The following IL17RD variants were observed in gnomAD, a reference collection of about 807,000 sequenced individuals.
The protein encoded by IL17RD is interleukin-17 receptor D.
Under a neutral mutation model 80.5 loss-of-function variants are expected in IL17RD, and 52 were observed. The observed-to-expected ratio is 0.65, with a 90% confidence interval of 0.52 to 0.81. The LOEUF is 0.81. IL17RD is among the 40% of genes least tolerant of loss of function. IL17RD has a pLI of 0.00. For synonymous variants in IL17RD, 416 were observed against 391.8 expected (o/e 1.06, Z -0.73); for missense variants, 1,024 against 955.1 (o/e 1.07, Z -0.95).
intron 7 of IL17RD, among the ~76,000 whole-genome samples, chr3:57,105,552 A>AAAAAATATATATATATATAT: frequency 7.9e-5 from 5 of 63,586 alleles, no homozygotes; most frequent in South Asian, 6.2e-4. Context: ...AAAAAAAAAA[A>AAAAAATATATATATATATAT]ATATATATAT....
chr3:57,111,180 T>C (rs547036659), intron 3 of IL17RD, among the ~76,000 whole-genome samples: 1 of 152,240 alleles, frequency 6.6e-6, no homozygotes, highest in Non-Finnish European at 1.5e-5. Context: ...TTTTCAACCC[T>C]TCCCCTCCCA....
chr3:57,093,962 C>T lies in IL17RD; in HGVS notation c.*2431G>A, dbSNP rs1372413722. On this transcript the variant is annotated 3_prime_UTR_variant, in exon 13 of 13. Coordinates refer to ENST00000296318, the MANE Select transcript of IL17RD (RefSeq NM_017563.5). Reference sequence around the variant, plus strand: ...TATCCCTGGTCTCTTTTCTAGAGGACGTTGTCTAACCTATCTACACAAGCC... The same window carrying T: ...TATCCCTGGTCTCTTTTCTAGAGGATGTTGTCTAACCTATCTACACAAGCC... 3.3e-5 allele frequency: 5 copies of T among 151,972 alleles called. No homozygotes were observed. The East Asian group carries it at 9.7e-4, about 29-fold the overall frequency. 9.4% of individuals were successfully genotyped at this position (151,972 alleles called of 1,614,324 possible). A position where few individuals can be genotyped will look rare whatever the true frequency, so the allele number is the denominator to read the frequency against.
chr3:57,118,855 T>C (rs1707272151), intron 2 of IL17RD, among the ~76,000 whole-genome samples: 2 of 152,194 alleles, frequency 1.3e-5, no homozygotes, highest in African/African-American at 4.8e-5. Flanking sequence ...CTAAGTTTTA[T>C]TTTAAAAGAG....
At chr3:57,155,572 G>A (rs1276909471) in intron 1 of IL17RD, among the ~76,000 whole-genome samples, 1 of 152,222 alleles carries the variant, frequency 6.6e-6, no homozygotes, top group Non-Finnish European at 1.5e-5. Context: ...ATTAGCCAAT[G>A]TTAAGAAAGC....
At position 57,097,756 on chromosome 3, in the gene IL17RD, C is replaced by A. The variant is rs779308038; in HGVS notation, c.1947G>T (p.Thr649=). 6.2e-7 allele frequency: 1 copy of A among 1,602,128 alleles called. No individual in the cohort carries two copies. The change falls in exon 12 of 13, where the codon ACG becomes ACT. Residue 649 remains threonine, a synonymous_variant. Coordinates refer to ENST00000296318, the MANE Select transcript of IL17RD (RefSeq NM_017563.5). ...GSAALQPLLH[T]VKAGSPSDMP... is the part of the protein sequence containing the mutation. The stretch of plus-strand genomic sequence containing the variant: ...TGTCCGAGGGGCTGCCGGCTTTCAC[C>A]GTGTGCAGCAGGGGTTGCAGGGCGG...
chr3:57,091,608 G>A lies in IL17RD; in HGVS notation c.*4785C>T, dbSNP rs551351285. 6.5e-6 allele frequency: 1 copy of A among 152,746 alleles called. No homozygotes were observed. The highest frequency in any genetic ancestry group is 1.5e-5 in the Non-Finnish European group (1 of 68,038). The allele number at this position is 152,746 out of a possible 1,614,324, so 9.5% of individuals were successfully genotyped here. The stretch of plus-strand genomic sequence containing the variant: ...ACAAGAGCCATGAAGAATGGTTTAA[G>A]TGGGTGGAATTATTTATCACTGAAA... On this transcript the variant is annotated 3_prime_UTR_variant, in exon 13 of 13. Transcript: ENST00000296318.
chr3:57,101,846 T>G (rs1238036362), intron 10 of IL17RD, among the ~76,000 whole-genome samples: 1 of 152,244 alleles, frequency 6.6e-6, no homozygotes, highest in African/African-American at 2.4e-5. Flanking sequence ...CTATGGATCA[T>G]TTCCAACTCC....
At chr3:57,158,508 T>G (rs2060283283) in intron 1 of IL17RD, among the ~76,000 whole-genome samples, 1 of 152,250 alleles carries the variant, frequency 6.6e-6, no homozygotes, top group African/African-American at 2.4e-5. Context: ...ATCTTTATTT[T>G]GTCGTCCACC....
At chr3:57,111,484 TG>T (rs1707096282) in intron 3 of IL17RD, among the ~76,000 whole-genome samples, 1 of 152,196 alleles carries the variant, frequency 6.6e-6, no homozygotes. Context: ...GACAAGGTGA[TG>T]ACAAAGTCAT....
intron 1 of IL17RD, among the ~76,000 whole-genome samples, chr3:57,124,373 G>A (rs1707404250): frequency 6.6e-6 from 1 of 152,180 alleles, no homozygotes. Flanking sequence ...TCCTGAGATG[G>A]GGAGAGTATT....
Position 57,101,285 on chromosome 3 carries a change from C to T in IL17RD, c.1058G>A (p.Arg353Gln), listed in dbSNP as rs199540136. 178 of 1,613,054 alleles carry T rather than the reference C, an allele frequency of 1.1e-4. 1 individual carries two copies. Among genetic ancestry groups the T allele is most frequent in the South Asian group, 9.5e-4 (86 of 90,968 alleles). The part of the protein sequence containing the change: ...YTAALPRERL[R>Q]PRPKVFLCYS... ...GCAGAGAAAGACCTTCGGCCGCGGC[C>T]GGAGCCTCTCTCTTGGGAGTGCTGC... Residue 353 changes from arginine to glutamine, a missense_variant, in exon 11 of 13, where the codon CGG (arginine) becomes CAG (glutamine). Coordinates refer to ENST00000296318, the MANE Select transcript of IL17RD (RefSeq NM_017563.5).
chr3:57,129,597 TG>T (rs1344381329), intron 1 of IL17RD, among the ~76,000 whole-genome samples: 2 of 152,160 alleles, frequency 1.3e-5, no homozygotes, highest in African/African-American at 4.8e-5. Context: ...GACGTTGCCA[TG>T]GGGACCCAGC....
chr3:57,127,412 A>ATATATATT (rs1246159104), intron 1 of IL17RD, among the ~76,000 whole-genome samples: 5 of 91,216 alleles, frequency 5.5e-5, no homozygotes, highest in African/African-American at 2.4e-4. Flanking sequence ...ATATATATAT[A>ATATATATT]TTTTTTTTTT....
At chr3:57,126,038 T>C (rs1342347788) in intron 1 of IL17RD, among the ~76,000 whole-genome samples, 2 of 152,258 alleles carry the variant, frequency 1.3e-5, no homozygotes, top group Non-Finnish European at 2.9e-5. Context: ...CTTACAAGGC[T>C]GTTGACCAGC....
chr3:57,130,902 C>T (rs775454076), intron 1 of IL17RD, among the ~76,000 whole-genome samples: 2 of 152,198 alleles, frequency 1.3e-5, no homozygotes, highest in Non-Finnish European at 2.9e-5. Context: ...ACACTTAGCG[C>T]ATCCTGCCCA....
At chr3:57,121,291 A>G (rs1363960180) in intron 1 of IL17RD, among the ~76,000 whole-genome samples, 1 of 152,212 alleles carries the variant, frequency 6.6e-6, no homozygotes, top group Non-Finnish European at 1.5e-5. Context: ...ACACCAAAAC[A>G]AAATGTGGAG....
intron 1 of IL17RD, among the ~76,000 whole-genome samples, chr3:57,144,884 G>C (rs1458021470): frequency 1.3e-5 from 2 of 152,194 alleles, no homozygotes; most frequent in Non-Finnish European, 2.9e-5. Flanking sequence ...TCCCAGGAAG[G>C]AGTCATTTTT....
intron 1 of IL17RD, among the ~76,000 whole-genome samples, chr3:57,163,603 T>A (rs1039024884): frequency 2.6e-5 from 4 of 151,388 alleles, no homozygotes; most frequent in Non-Finnish European, 4.4e-5. Context: ...CCAATAGGAG[T>A]CTAAATCCAA....
At chr3:57,127,337 A>AAAATATATAAAAATATATATAAATATAT (rs1559477149) in intron 1 of IL17RD, among the ~76,000 whole-genome samples, 1 of 75,776 alleles carries the variant, frequency 1.3e-5, no homozygotes, top group Non-Finnish European at 2.2e-5. Context: ...AATATATATA[A>AAAATATATAAAAATATATATAAATATAT]AAATATATAT....
Sources: gnomAD v4.1 joint callset for allele counts (sites outside exome capture counted in the v4.1 genomes callset) on GRCh38, gnomAD v4.1.1 for gene constraint, MANE v1.5 for transcripts, NCBI Gene and HGNC (gene_info 2026-07-23, HGNC 2026-07-21) for gene names.